Variants in PRKCB observed in about 807,000 individuals in gnomAD.
PRKCB encodes the protein protein kinase C beta.
In PRKCB, 13 loss-of-function variants were observed where a neutral mutation model predicts 81.5. The observed-to-expected ratio is 0.16, with a 90% CI of 0.10 to 0.25. PRKCB has a LOEUF of 0.25. Ranked by LOEUF, PRKCB falls within the 10% of genes least tolerant of loss-of-function variation. The pLI is 1.00. For synonymous variants in PRKCB, 335 were observed against 321.4 expected, an observed-to-expected ratio of 1.04 and a Z score of -0.45; for missense variants, 509 against 875.7, an observed-to-expected ratio of 0.58 and a Z score of 5.29.
intron 2 of PRKCB, among the ~76,000 whole-genome samples, chr16:23,940,257 G>A (rs1455233103): frequency 6.6e-6 from 1 of 152,122 alleles, no homozygotes; most frequent in East Asian, 1.9e-4. Context: ...CTGAGAATGG[G>A]AACTGCAGTA....
At chr16:23,855,535 C>T (rs1208461324) in intron 2 of PRKCB, among the ~76,000 whole-genome samples, 4 of 152,112 alleles carry the variant, frequency 2.6e-5, no homozygotes, top group African/African-American at 9.7e-5. Flanking sequence ...TAAATGTGCC[C>T]TTGTAAAAAT....
chr16:24,130,986 T>C (rs432854), intron 9 of PRKCB, among the ~76,000 whole-genome samples: 56,222 of 151,978 alleles, frequency 0.37, 10,650 homozygotes, highest in South Asian at 0.47. Flanking sequence ...TTAGAGCTCT[T>C]GATGTATCAC....
intron 2 of PRKCB, among the ~76,000 whole-genome samples, chr16:23,879,962 A>C (rs930946323): frequency 2.0e-5 from 3 of 152,196 alleles, no homozygotes; most frequent in Non-Finnish European, 2.9e-5. Flanking sequence ...AAATGGGATT[A>C]ATAAAAACAC....
At chr16:24,210,744 C>A (rs764129273) in intron 16 of PRKCB, among the ~76,000 whole-genome samples, 2 of 152,198 alleles carry the variant, frequency 1.3e-5, no homozygotes, top group Non-Finnish European at 2.9e-5. Context: ...AAGTGATCCA[C>A]CATCCTCGGC....
intron 3 of PRKCB, among the ~76,000 whole-genome samples, chr16:23,989,974 G>T (rs1964858804): frequency 6.6e-6 from 1 of 152,056 alleles, no homozygotes; most frequent in African/African-American, 2.4e-5. Flanking sequence ...TTGTCCTCTT[G>T]GGCATTTTTG....
At position 24,121,186 on chromosome 16, in the gene PRKCB, G is replaced by A. The variant is rs116838638; in HGVS notation, c.919-2649G>A. ...TCTTCCCCTCTGTTCCATAAATGCTGTTCCTGCTGCCAATACCAGTTTATC... is the reference window on the plus strand; with the variant it reads ...TCTTCCCCTCTGTTCCATAAATGCTATTCCTGCTGCCAATACCAGTTTATC... On this transcript the variant is annotated intron_variant, in intron 8 of 16. Transcript: ENST00000643927. 5.4e-3 allele frequency among the ~76,000 whole-genome samples: 829 copies of A among 152,244 alleles called. 8 individuals are homozygous for A. The highest frequency in any genetic ancestry group is 0.02 in the African/African-American group (812 of 41,540).
chr16:24,124,861 G>GC lies in PRKCB; in HGVS notation c.1065+886dup, dbSNP rs958174042. ...TGTATTCCCACTGTTCCTGGCCACC[G>GC]CCCCCCACAGCCATGTACAATGCAT... On this transcript the variant is annotated intron_variant, in intron 9 of 16. Coordinates refer to ENST00000643927, the MANE Select transcript of PRKCB (RefSeq NM_002738.7). Among the ~76,000 whole-genome samples the GC allele has an allele frequency of 4.6e-5, 7 of 151,742 alleles. No individual in the cohort carries two copies. The East Asian group carries it at 7.7e-4, about 17-fold the overall frequency.
chr16:23,856,590 CATA>C (rs1293259370), intron 2 of PRKCB, among the ~76,000 whole-genome samples: 9 of 150,964 alleles, frequency 6.0e-5, no homozygotes, highest in Non-Finnish European at 1.0e-4. Flanking sequence ...GTGGTACAAT[CATA>C]GCTGACTGTA....
At chr16:24,031,673 A>T (rs562420917) in intron 3 of PRKCB, among the ~76,000 whole-genome samples, 22 of 152,358 alleles carry the variant, frequency 1.4e-4, no homozygotes, top group African/African-American at 5.1e-4. Flanking sequence ...AGTGATGAGG[A>T]ACTGGCAATG....
intron 3 of PRKCB, among the ~76,000 whole-genome samples, chr16:24,021,813 G>A (rs897754882): frequency 6.6e-6 from 1 of 152,178 alleles, no homozygotes; most frequent in Admixed American, 6.5e-5. Context: ...TCACTGGGCT[G>A]TCAGGAGAAT....
intron 8 of PRKCB, among the ~76,000 whole-genome samples, chr16:24,122,127 A>G (rs770183603): frequency 6.6e-6 from 1 of 152,186 alleles, no homozygotes; most frequent in Non-Finnish European, 1.5e-5. Flanking sequence ...GATTGCTGAG[A>G]GCAATTTTAT....
At chr16:23,971,627 C>G (rs778281948) in intron 2 of PRKCB, among the ~76,000 whole-genome samples, 1 of 152,234 alleles carries the variant, frequency 6.6e-6, no homozygotes, top group East Asian at 1.9e-4. Context: ...TCTGGCCCCG[C>G]TCTGTGATGC....
At chr16:23,963,480 C>T (rs1442563344) in intron 2 of PRKCB, 1 of 152,230 alleles carries the variant, frequency 6.6e-6, no homozygotes, top group African/African-American at 2.4e-5. Flanking sequence ...ATAGTACGCT[C>T]CATGGATCAT....
intron 2 of PRKCB, among the ~76,000 whole-genome samples, chr16:23,892,794 GA>G (rs1400147408): frequency 2.0e-5 from 3 of 152,140 alleles, no homozygotes; most frequent in Non-Finnish European, 4.4e-5. Context: ...TTCAGGAAGG[GA>G]AAGTGAACTC....
chr16:24,153,216 T>C (rs542882425), intron 9 of PRKCB, among the ~76,000 whole-genome samples: 1 of 152,350 alleles, frequency 6.6e-6, no homozygotes, highest in African/African-American at 2.4e-5. Context: ...GTCCTCCAGC[T>C]GAGTTGAGTG....
chr16:24,027,354 AG>A (rs1166986375), intron 3 of PRKCB, among the ~76,000 whole-genome samples: 1 of 152,226 alleles, frequency 6.6e-6, no homozygotes, highest in East Asian at 1.9e-4. Context: ...GGCACAGAGC[AG>A]GGGGACTCTG....
chr16:24,014,155 C>A (rs755965015), intron 3 of PRKCB, among the ~76,000 whole-genome samples: 26 of 152,116 alleles, frequency 1.7e-4, no homozygotes, highest in Non-Finnish European at 3.4e-4. Context: ...AAGCTGGCAG[C>A]GGCTTTGCAA....
chr16:23,859,941 T>C (rs1235581124), intron 2 of PRKCB, among the ~76,000 whole-genome samples: 3 of 151,042 alleles, frequency 2.0e-5, no homozygotes, highest in Non-Finnish European at 4.4e-5. Flanking sequence ...GAAGGACCCA[T>C]GGAGGGGAGA....
intron 2 of PRKCB, among the ~76,000 whole-genome samples, chr16:23,895,330 CT>C (rs1963361720): frequency 2.0e-5 from 3 of 152,188 alleles, no homozygotes; most frequent in African/African-American, 7.2e-5. Context: ...TATTTTTCCC[CT>C]CAAACAACCA....
Sources: gnomAD v4.1 joint callset for allele counts (sites outside exome capture counted in the v4.1 genomes callset) on GRCh38, gnomAD v4.1.1 for gene constraint, MANE v1.5 for transcripts, NCBI Gene and HGNC (gene_info 2026-07-23, HGNC 2026-07-21) for gene names.